Variants in TBC1D1 observed in about 807,000 individuals in gnomAD.
TBC1D1 encodes the protein TBC1 domain family member 1.
Under a neutral mutation model 125.6 loss-of-function variants are expected in TBC1D1, and 89 were observed. The ratio of observed to expected loss-of-function variants is 0.71; its 90% CI spans 0.60 to 0.85. The LOEUF (loss-of-function observed/expected upper bound fraction) is 0.85, where lower values mean the gene tolerates loss of function less well. TBC1D1 is among the 40% of genes least tolerant of loss of function. The pLI is 0.00. For missense variants in TBC1D1, 1,377 were observed against 1,469.2 expected, an observed-to-expected ratio of 0.94 and a Z score of 1.03; for synonymous variants, 565 against 564.1, an observed-to-expected ratio of 1.00 and a Z score of -0.02.
chr4:37,904,201 T>G (rs1248818003), intron 2 of TBC1D1, among the ~76,000 whole-genome samples: 14 of 152,126 alleles, frequency 9.2e-5, no homozygotes, highest in Non-Finnish European at 1.9e-4. Context: ...CATAAAAACA[T>G]TTTCATTCAA....
chr4:38,052,763 CAG>C (rs1491285211), intron 11 of TBC1D1, among the ~76,000 whole-genome samples: 5,209 of 97,064 alleles, frequency 0.054, 126 homozygotes, highest in South Asian at 0.13. Context: ...CACACACACA[CAG>C]GATAACATCT....
In TBC1D1 at chr4:38,082,468, G is replaced by A. The variant is rs1018803908; in HGVS notation, c.2051-7464G>A. Among the ~76,000 whole-genome samples, 9 of 152,272 alleles carry A rather than the reference G, an allele frequency of 5.9e-5. 1 individual carries two copies. In the South Asian group the frequency reaches 1.7e-3, roughly 28 times the overall value. ...CAGCACTTAAGATTCTGGCTGAGGC[G>A]GAATATTTGTTTCTCTTTAGTTTTG... On this transcript the variant is annotated intron_variant, in intron 12 of 19. Transcript: ENST00000261439.
At chr4:38,013,159 C>T (rs1741900308) in intron 2 of TBC1D1, among the ~76,000 whole-genome samples, 2 of 152,104 alleles carry the variant, frequency 1.3e-5, no homozygotes, top group Admixed American at 1.3e-4. Context: ...TAAAACTTTC[C>T]TAAAGATCTT....
Position 38,118,197 on chromosome 4 carries a change from G to A in TBC1D1, c.2962+5G>A, listed in dbSNP as rs1763283549. On this transcript the variant is annotated splice_donor_5th_base_variant and intron_variant, in intron 17 of 19. Coordinates refer to ENST00000261439, the MANE Select transcript of TBC1D1 (RefSeq NM_015173.4). ...GATTCGTAGCCAGAGTCTTTGGTGAGCATTAGTAAATCTGTTTGCCAGAAC... is the reference window on the plus strand; with the variant it reads ...GATTCGTAGCCAGAGTCTTTGGTGAACATTAGTAAATCTGTTTGCCAGAAC... The A allele has an allele frequency of 2.5e-6, 4 of 1,614,002 alleles. No individual in the cohort carries two copies. Among genetic ancestry groups the A allele is most frequent in the Non-Finnish European group, 3.4e-6 (4 of 1,179,966 alleles).
chr4:37,997,420 G>T (rs1270265533), intron 2 of TBC1D1, among the ~76,000 whole-genome samples: 1 of 152,174 alleles, frequency 6.6e-6, no homozygotes, highest in Non-Finnish European at 1.5e-5. Flanking sequence ...ACTTAGAACT[G>T]TATGCCGTTT....
chr4:38,121,376 G>A (rs962069723), intron 17 of TBC1D1, among the ~76,000 whole-genome samples: 4 of 152,204 alleles, frequency 2.6e-5, no homozygotes, highest in Non-Finnish European at 4.4e-5. Context: ...CGCAATAAGA[G>A]GGTTGCTGAA....
In TBC1D1 at chr4:38,049,717, C is replaced by T. The variant is rs1289912702; in HGVS notation, c.1729C>T (p.Leu577Phe). The T allele has an allele frequency of 1.9e-6, 3 of 1,614,190 alleles. No homozygotes were observed. The highest frequency in any genetic ancestry group is 2.5e-6 in the Non-Finnish European group (3 of 1,180,030). Residue 577 changes from leucine (L) to phenylalanine (F), a missense_variant, in exon 11 of 20, where the codon CTC (leucine) becomes TTC (phenylalanine). Transcript: ENST00000261439. ...CCTGTCCAGTGACTCGGAGAGTCAT[C>T]TCCCAGAAGAGCCAGCTCCGCTGTC... is the stretch of plus-strand genomic sequence containing the variant.
At chr4:38,043,608 C>A in intron 8 of TBC1D1, among the ~76,000 whole-genome samples, 1 of 144,950 alleles carries the variant, frequency 6.9e-6, no homozygotes, top group African/African-American at 2.6e-5. Flanking sequence ...AAAAAAAGTA[C>A]CTCCTTGTAA....
intron 12 of TBC1D1, among the ~76,000 whole-genome samples, chr4:38,083,500 G>A (rs1378439590): frequency 1.3e-5 from 2 of 152,202 alleles, no homozygotes; most frequent in Non-Finnish European, 2.9e-5. Context: ...CACAAAAACT[G>A]ACAACAATGA....
At chr4:38,050,014 G>C (rs1750203648) in intron 11 of TBC1D1, 116 bp downstream of exon 11, 2 of 1,216,008 alleles carry the variant, frequency 1.6e-6, no homozygotes, top group African/African-American at 1.5e-5. Flanking sequence ...TTTACTCTTG[G>C]TTTGGAGATA....
intron 12 of TBC1D1, among the ~76,000 whole-genome samples, chr4:38,055,497 C>T (rs906069447): frequency 2.0e-5 from 3 of 152,106 alleles, no homozygotes; most frequent in Admixed American, 6.5e-5. Context: ...ATCAGTGATG[C>T]GAATGTTTCC....
chr4:38,070,934 A>G (rs1754604406), intron 12 of TBC1D1, among the ~76,000 whole-genome samples: 1 of 152,228 alleles, frequency 6.6e-6, no homozygotes, highest in Admixed American at 6.5e-5. Context: ...GCTAACCAGT[A>G]TTCAGATTTG....
At chr4:38,034,712 G>A (rs377509437) in intron 7 of TBC1D1, among the ~76,000 whole-genome samples, 1 of 152,118 alleles carries the variant, frequency 6.6e-6, no homozygotes, top group Non-Finnish European at 1.5e-5. Context: ...GGGAGGAACA[G>A]GCAATGGATA....
At chr4:37,983,855 A>G (rs1023270468) in intron 2 of TBC1D1, among the ~76,000 whole-genome samples, 1 of 152,226 alleles carries the variant, frequency 6.6e-6, no homozygotes, top group African/African-American at 2.4e-5. Flanking sequence ...CAGCATTATA[A>G]TATCATACAG....
At position 38,013,645 on chromosome 4, in the gene TBC1D1, G is replaced by T. The variant is rs28689628; in HGVS notation, c.418-864G>T. ...CAGCTGTTTCATTCACTGCCGTGCG[G>T]ATTCATCTTTATGTCTATGCTGCTT... is the stretch of plus-strand genomic sequence containing the variant. On this transcript the variant is annotated intron_variant, in intron 2 of 19. Transcript: ENST00000261439. 4.7e-3 allele frequency among the ~76,000 whole-genome samples: 718 copies of T among 152,312 alleles called. 3 individuals carry two copies. The highest frequency in any genetic ancestry group is 0.017 in the African/African-American group (689 of 41,556).
At chr4:38,020,520 C>T (rs1338059063) in intron 4 of TBC1D1, 71 bp from the exon 5 acceptor site, 6 of 1,219,320 alleles carry the variant, frequency 4.9e-6, no homozygotes, top group Admixed American at 3.6e-5. Context: ...CTGTATAAAT[C>T]TTGAGGTGCA....
At chr4:38,031,638 A>G (rs1239933387) in intron 7 of TBC1D1, among the ~76,000 whole-genome samples, 1 of 151,972 alleles carries the variant, frequency 6.6e-6, no homozygotes, top group Non-Finnish European at 1.5e-5. Flanking sequence ...TTTTTAAGAG[A>G]AAGGGGCTCA....
chr4:37,985,089 A>C (rs1735165846), intron 2 of TBC1D1, among the ~76,000 whole-genome samples: 1 of 151,700 alleles, frequency 6.6e-6, no homozygotes, highest in Admixed American at 6.6e-5. Context: ...AGTAGTTGAG[A>C]CTACAGGCAC....
intron 2 of TBC1D1, among the ~76,000 whole-genome samples, chr4:37,950,423 G>A (rs1384307083): frequency 1.3e-5 from 2 of 150,266 alleles, no homozygotes; most frequent in Non-Finnish European, 3.0e-5. Flanking sequence ...TTCATTTATG[G>A]AAAGACCCTT....
Sources: allele counts gnomAD v4.1 joint callset (sites outside exome capture counted in the v4.1 genomes callset), GRCh38; gene constraint gnomAD v4.1.1; transcripts MANE v1.5; gene names NCBI Gene and HGNC (gene_info 2026-07-23, HGNC 2026-07-21).